The following PKHD1L1 variants were observed in gnomAD, a reference collection of about 807,000 sequenced individuals.
PKHD1L1 encodes fibrocystin-L.
Under a neutral mutation model 462.9 loss-of-function variants are expected in PKHD1L1, and 434 were observed. That is an observed-to-expected ratio of 0.94 (90% CI 0.87 to 1.02). The LOEUF is 1.02. Among genes scored for constraint, PKHD1L1 ranks in the 50% least tolerant of loss-of-function variants. The pLI is 0.00. For missense variants in PKHD1L1, 5,202 were observed against 5,096.1 expected, an observed-to-expected ratio of 1.02 and a Z score of -0.63; for synonymous variants, 1,781 against 1,750.0, an observed-to-expected ratio of 1.02 and a Z score of -0.44.
chr8:109,499,282 T>C (rs1819280934), intron 67 of PKHD1L1: 1 of 153,028 alleles, frequency 6.5e-6, no homozygotes, highest in Admixed American at 6.5e-5. Flanking sequence ...ATCAATTATT[T>C]TCATTTGGCC....
intron 9 of PKHD1L1, 61 bp from the exon 10 acceptor site, chr8:109,394,354 T>TA (rs1465446736): frequency 3.6e-6 from 4 of 1,118,772 alleles, no homozygotes; most frequent in South Asian, 3.3e-5. Flanking sequence ...TCACTGAAGT[T>TA]AAAAAAATGT....
intron 54 of PKHD1L1, 95 bp from the exon 55 acceptor site, chr8:109,479,896 A>C: frequency 8.3e-7 from 1 of 1,203,096 alleles, no homozygotes; most frequent in Non-Finnish European, 1.1e-6. Context: ...TGTCATAAAC[A>C]CTCAAAACTA....
Position 109,454,951 on chromosome 8 carries a change from G to C in PKHD1L1, c.6874+99G>C, listed in dbSNP as rs535058582. 4,925 of 1,393,830 alleles carry C rather than the reference G, an allele frequency of 3.5e-3. 22 individuals are homozygous for C. The highest frequency in any genetic ancestry group is 4.2e-3 in the Non-Finnish European group (4,436 of 1,045,890). The allele number at this position is 1,393,830 out of a possible 1,614,324, so 86.3% of individuals were successfully genotyped here. The stretch of plus-strand genomic sequence containing the variant: ...TAATTATAATTTATCCTGTGATAAA[G>C]TGAAAGTGTGTTAGGCTTCTCATGT... On this transcript the variant is annotated intron_variant, in intron 45 of 77. Coordinates refer to ENST00000378402, the MANE Select transcript of PKHD1L1 (RefSeq NM_177531.6).
At position 109,429,360 on chromosome 8, in the gene PKHD1L1, T is replaced by C; in HGVS notation, c.3021T>C (p.Ile1007=). 1 of 1,533,078 alleles carries C rather than the reference T, an allele frequency of 6.5e-7. No individual in the cohort carries two copies. The highest frequency in any genetic ancestry group is 8.9e-7 in the Non-Finnish European group (1 of 1,119,670). 95.0% of individuals were successfully genotyped at this position (1,533,078 alleles called of 1,614,324 possible). The change falls in exon 26 of 78, where the codon ATT becomes ATC. Residue 1007 remains isoleucine (I), a synonymous_variant. Coordinates refer to ENST00000378402, the MANE Select transcript of PKHD1L1 (RefSeq NM_177531.6). ...NLLQINDSNI[I]GEKANMTVTR... ...AATAGATTAATGATTCCAACATTAT[T>C]GGAGAAAAGGCTAATATGACAGTTA...
At position 109,412,379 on chromosome 8, in the gene PKHD1L1, C is replaced by G; in HGVS notation, c.2200C>G (p.Pro734Ala). The change falls in exon 20 of 78, where the codon CCA becomes GCA. Residue 734 changes from proline to alanine, a missense_variant. By Grantham distance (27) the Pro-to-Ala change is conservative. Around this residue, in one of 3 missense-constraint regions of PKHD1L1, gnomAD observed 4,497 missense variants for 4,336.8 expected, o/e 1.04. Coordinates refer to ENST00000378402, the MANE Select transcript of PKHD1L1 (RefSeq NM_177531.6). ...AGCAGATGTTAAACCAAACAGACGA[C>G]CATATGGAGATATTTTATTGTTTCC... is the stretch of plus-strand genomic sequence containing the variant. ...DSADVKPNRR[P>A]YGDILLFPYN... 1 of 1,613,188 alleles carries G rather than the reference C, an allele frequency of 6.2e-7. No individual in the cohort carries two copies.
intron 30 of PKHD1L1, among the ~76,000 whole-genome samples, chr8:109,437,975 T>A (rs1035915389): frequency 7.9e-5 from 12 of 152,176 alleles, no homozygotes; most frequent in African/African-American, 2.7e-4. Context: ...TACCTGTCTA[T>A]TTTAAAAGCA....
At chr8:109,526,286 T>G (rs1045418319) in intron 76 of PKHD1L1, among the ~76,000 whole-genome samples, 1 of 152,166 alleles carries the variant, frequency 6.6e-6, no homozygotes, top group African/African-American at 2.4e-5. Context: ...TTTTTGAATC[T>G]TAATGGAAGG....
intron 63 of PKHD1L1, among the ~76,000 whole-genome samples, chr8:109,494,038 C>T (rs1818964592): frequency 6.6e-6 from 1 of 151,800 alleles, no homozygotes; most frequent in Non-Finnish European, 1.5e-5. Flanking sequence ...CATCCCACCA[C>T]CATTTTTAAA....
intron 41 of PKHD1L1, 100 bp from the exon 42 acceptor site, chr8:109,452,023 CA>C (rs1391981565): frequency 4.8e-5 from 49 of 1,030,704 alleles, no homozygotes; most frequent in Admixed American, 1.4e-4. Flanking sequence ...AGAATCAGGT[CA>C]TTTTTTTTTT....
At chr8:109,500,268 G>T (rs1819333782) in intron 67 of PKHD1L1, among the ~76,000 whole-genome samples, 1 of 151,982 alleles carries the variant, frequency 6.6e-6, no homozygotes, top group Non-Finnish European at 1.5e-5. Context: ...AACCATAAAT[G>T]ATACTCATCA....
At chr8:109,488,984 G>A (rs1274721184) in intron 59 of PKHD1L1, among the ~76,000 whole-genome samples, 3 of 151,844 alleles carry the variant, frequency 2.0e-5, no homozygotes, top group African/African-American at 7.2e-5. Context: ...CTATTCCTAT[G>A]ACAATCTTTC....
intron 76 of PKHD1L1, among the ~76,000 whole-genome samples, chr8:109,524,315 T>A (rs1279546494): frequency 6.6e-6 from 1 of 152,166 alleles, no homozygotes; most frequent in African/African-American, 2.4e-5. Flanking sequence ...AAGCCAGATA[T>A]GTTCAGTCTG....
At chr8:109,383,159 ATATAT>A (rs1812228482) in intron 4 of PKHD1L1, among the ~76,000 whole-genome samples, 3 of 108,708 alleles carry the variant, frequency 2.8e-5, no homozygotes, top group Non-Finnish European at 5.1e-5. Flanking sequence ...ATATATATTT[ATATAT>A]AATATATACA....
Position 109,442,939 on chromosome 8 carries a change from A to T in PKHD1L1, c.4394-7A>T. The T allele has an allele frequency of 6.2e-7, 1 of 1,611,900 alleles. No individual in the cohort carries two copies. The highest frequency in any genetic ancestry group is 8.5e-7 in the Non-Finnish European group (1 of 1,178,428). ...TATTTATTACGTACAATCTCATTTT[A>T]TGGCAGGTTCATTTTCTTACCAATT... On this transcript the variant is annotated splice_region_variant and splice_polypyrimidine_tract_variant and intron_variant, in intron 35 of 77. Coordinates refer to ENST00000378402, the MANE Select transcript of PKHD1L1 (RefSeq NM_177531.6).
rs754085868 is a variant in PKHD1L1, at chr8:109,362,649, C to T, written c.69C>T (p.Ser23=). 13 of 1,601,056 alleles carry T rather than the reference C, an allele frequency of 8.1e-6. No individual in the cohort carries two copies. The Admixed American group carries it at 1.7e-4, about 21-fold the overall frequency. Residue 23 remains serine (S), a synonymous_variant, in exon 1 of 78, where the codon AGC becomes AGT. Transcript: ENST00000378402. The part of the protein sequence containing the change: ...CGLLLCAADP[S]TDGSQIIPKV... Reference sequence around the variant, plus strand: ...TGCTCCTGTGTGCCGCGGATCCCAGCACAGGTAACCCTTTGGGCACGCTAG... The same window carrying T: ...TGCTCCTGTGTGCCGCGGATCCCAGTACAGGTAACCCTTTGGGCACGCTAG...
At chr8:109,415,250 C>T (rs563918370) in intron 21 of PKHD1L1, among the ~76,000 whole-genome samples, 30 of 152,100 alleles carry the variant, frequency 2.0e-4, no homozygotes, top group Admixed American at 2.0e-3. Flanking sequence ...AATCCTCCTG[C>T]CTAGGCCTCC....
Position 109,531,755 on chromosome 8 carries a change from T to C in PKHD1L1, c.*1665T>C, listed in dbSNP as rs1821046875. On this transcript the variant is annotated 3_prime_UTR_variant, in exon 78 of 78. Transcript: ENST00000378402. ...CCCTTCATGAGGAACATTTGCCATG[T>C]CCAGAGAGCATTGATACTTCATTGT... is the stretch of plus-strand genomic sequence containing the variant. Among the ~76,000 whole-genome samples the C allele has an allele frequency of 6.6e-6, 1 of 152,186 alleles. No individual in the cohort carries two copies. The highest frequency in any genetic ancestry group is 2.4e-5 in the African/African-American group (1 of 41,448).
At position 109,470,963 on chromosome 8, in the gene PKHD1L1, A is replaced by G. The variant is rs1020723738; in HGVS notation, c.8606-4155A>G. 5 of 1,610,526 alleles carry G rather than the reference A, an allele frequency of 3.1e-6. No individual in the cohort carries two copies. The African/African-American group carries it at 6.7e-5, about 22-fold the overall frequency. On this transcript the variant is annotated intron_variant, in intron 50 of 77. Transcript: ENST00000378402. ...GAACAACAGTGGGGAGTTCCTCTTT[A>G]ACAAGCAGCTCGAGTCCATAGGCAT...
At position 109,464,862 on chromosome 8, in the gene PKHD1L1, A is replaced by G. The variant is rs1265058656; in HGVS notation, c.8030A>G (p.Asn2677Ser). 3 of 1,613,858 alleles carry G rather than the reference A, an allele frequency of 1.9e-6. No individual in the cohort carries two copies. The highest frequency in any genetic ancestry group is 3.3e-4 in the Middle Eastern group (2 of 6,060). Reference sequence around the variant, plus strand: ...CAGTTCCATAACTTTGTGATGGTGAATAACTATGAGGCTGGAATTGAGACT... The same window carrying G: ...CAGTTCCATAACTTTGTGATGGTGAGTAACTATGAGGCTGGAATTGAGACT... Reference protein sequence around the residue: ...ALQFHNFVMVNNYEAGIETKR... With the variant: ...ALQFHNFVMVSNYEAGIETKR... Residue 2677 changes from asparagine (N) to serine (S), a missense_variant, in exon 49 of 78, where the codon AAT becomes AGT. Coordinates refer to ENST00000378402, the MANE Select transcript of PKHD1L1 (RefSeq NM_177531.6).
Sources: gnomAD v4.1 joint callset for allele counts (sites outside exome capture counted in the v4.1 genomes callset) on GRCh38, gnomAD v4.1.1 for gene constraint, gnomAD v4.1.1 regional missense constraint, MANE v1.5 for transcripts, NCBI Gene and HGNC (gene_info 2026-07-23, HGNC 2026-07-21) for gene names.